ADAMTS2: variants seen among roughly 807,000 people sequenced by gnomAD.
The protein encoded by ADAMTS2 is ADAM metallopeptidase with thrombospondin type 1 motif 2, also known as A disintegrin and metalloproteinase with thrombospondin motifs 2.
A neutral mutation model predicts 123.0 loss-of-function variants in ADAMTS2; 50 were observed. The ratio of observed to expected loss-of-function variants is 0.41; its 90% CI spans 0.32 to 0.51. The LOEUF (loss-of-function observed/expected upper bound fraction) is 0.51. Ranked by LOEUF, ADAMTS2 falls within the 20% of genes least tolerant of loss-of-function variation. ADAMTS2 has a pLI of 0.35. For synonymous variants in ADAMTS2, 678 were observed against 695.4 expected, an observed-to-expected ratio of 0.98 and a Z score of 0.39; for missense variants, 1,494 against 1,705.2, an observed-to-expected ratio of 0.88 and a Z score of 2.18.
chr5:179,264,516 C>T (rs1301279159), intron 3 of ADAMTS2, among the ~76,000 whole-genome samples: 2 of 152,238 alleles, frequency 1.3e-5, no homozygotes, highest in Non-Finnish European at 2.9e-5. Context: ...CGCCAGATGC[C>T]CCCGTGAGCA....
Position 179,181,533 on chromosome 5 carries a change from G to A in ADAMTS2, c.892-378C>T, listed in dbSNP as rs893800337. On this transcript the variant is annotated intron_variant, in intron 4 of 21. Transcript: ENST00000251582. This position sits in a 1 kb window ranked among gnomAD's most constrained non-coding sequence, Gnocchi z 4.1. Reference sequence around the variant, plus strand: ...GTGATGGACCCCCGCGGCACAGGCAGGGCTGGGACCGGCCCTGGCAGAAGT... The same window carrying A: ...GTGATGGACCCCCGCGGCACAGGCAAGGCTGGGACCGGCCCTGGCAGAAGT... Among the ~76,000 whole-genome samples, 1 of 152,134 alleles carries A rather than the reference G, an allele frequency of 6.6e-6. No individual in the cohort carries two copies. Among genetic ancestry groups the A allele is most frequent in the Non-Finnish European group, 1.5e-5 (1 of 68,012 alleles).
At chr5:179,331,303 A>G (rs1351248914) in intron 2 of ADAMTS2, among the ~76,000 whole-genome samples, 5 of 134,796 alleles carry the variant, frequency 3.7e-5, no homozygotes, top group Non-Finnish European at 7.9e-5. Context: ...AAAGGGAAAA[A>G]GGGGAGATGA....
intron 2 of ADAMTS2, among the ~76,000 whole-genome samples, chr5:179,333,603 T>G (rs1309155412): frequency 6.8e-6 from 1 of 147,462 alleles, no homozygotes; most frequent in African/African-American, 2.5e-5. Flanking sequence ...TCTGTTTTTT[T>G]TTTTTTTTTT....
At chr5:179,245,549 G>T (rs578091332) in intron 3 of ADAMTS2, among the ~76,000 whole-genome samples, 1 of 149,394 alleles carries the variant, frequency 6.7e-6, no homozygotes, top group Admixed American at 6.6e-5. Flanking sequence ...GGCGGATCAC[G>T]AGGTCAGGAG....
chr5:179,156,766 T>C (rs1464951864), intron 6 of ADAMTS2, among the ~76,000 whole-genome samples: 2 of 152,240 alleles, frequency 1.3e-5, no homozygotes, highest in Non-Finnish European at 2.9e-5. Context: ...ATGTATTTTC[T>C]CAAACATTCT....
chr5:179,179,259 T>G (rs1365323812), intron 5 of ADAMTS2, among the ~76,000 whole-genome samples: 1 of 151,610 alleles, frequency 6.6e-6, no homozygotes, highest in Non-Finnish European at 1.5e-5. Flanking sequence ...TAGTAGGTTT[T>G]TTTTTTTTTT....
intron 2 of ADAMTS2, among the ~76,000 whole-genome samples, chr5:179,313,222 ACCGAGACAGAGGAGGGCC>A (rs1561728199): frequency 1.3e-4 from 18 of 141,024 alleles, no homozygotes; most frequent in Admixed American, 5.0e-4. Context: ...ACACACACAC[ACCGAGACAGAGGAGGGCC>A]TGGCCAGAGC....
Position 179,112,409 on chromosome 5 carries a change from T to G in ADAMTS2, c.*1458A>C, listed in dbSNP as rs982157590. On this transcript the variant is annotated 3_prime_UTR_variant, in exon 22 of 22. Transcript: ENST00000251582. ...AGTGAGAGGTAAAAATGAGCCACTC[T>G]TCTCCCATCCGCCCCTACTCCCCCT... The G allele has an allele frequency of 6.6e-6, 1 of 152,122 alleles. No homozygotes were observed. The highest frequency in any genetic ancestry group is 2.4e-5 in the African/African-American group (1 of 41,408). The allele number at this position is 152,122 out of a possible 1,614,324, so 9.4% of individuals were successfully genotyped here.
intron 3 of ADAMTS2, among the ~76,000 whole-genome samples, chr5:179,258,509 A>G (rs1042859902): frequency 1.3e-5 from 2 of 152,122 alleles, no homozygotes; most frequent in African/African-American, 4.8e-5. Context: ...GAATTGTCAA[A>G]GGCAGAGCAT....
chr5:179,258,257 A>AC (rs1157163520), intron 3 of ADAMTS2, among the ~76,000 whole-genome samples: 7 of 148,322 alleles, frequency 4.7e-5, no homozygotes, highest in Admixed American at 2.0e-4. Flanking sequence ...TCCCAGCCTG[A>AC]CCCCCCCAGA....
intron 3 of ADAMTS2, among the ~76,000 whole-genome samples, chr5:179,210,531 C>T (rs1168125340): frequency 2.0e-5 from 3 of 152,192 alleles, no homozygotes; most frequent in Non-Finnish European, 4.4e-5. Flanking sequence ...CTAGAGCATC[C>T]CTCCACCCAG....
chr5:179,146,865 GAT>G (rs1763258495), intron 10 of ADAMTS2, among the ~76,000 whole-genome samples: 4 of 151,932 alleles, frequency 2.6e-5, no homozygotes, highest in Admixed American at 2.6e-4. Context: ...AGGTATATTT[GAT>G]ACATATATCC....
intron 10 of ADAMTS2, among the ~76,000 whole-genome samples, chr5:179,144,151 A>T (rs1398804840): frequency 7.9e-5 from 12 of 152,226 alleles, no homozygotes; most frequent in Non-Finnish European, 1.6e-4. Context: ...AAATGATTTA[A>T]AAATGAAATT....
intron 4 of ADAMTS2, among the ~76,000 whole-genome samples, chr5:179,205,634 C>G (rs566548585): frequency 6.6e-6 from 1 of 152,198 alleles, no homozygotes; most frequent in African/African-American, 2.4e-5. Context: ...AGATTTTATA[C>G]CTGCCAGTCT....
intron 2 of ADAMTS2, among the ~76,000 whole-genome samples, chr5:179,336,251 C>T (rs1757608885): frequency 6.6e-6 from 1 of 152,204 alleles, no homozygotes; most frequent in Non-Finnish European, 1.5e-5. Flanking sequence ...CTCAAAATGT[C>T]TTTGAAGAGT....
In ADAMTS2 at chr5:179,181,072, C is replaced by A; in HGVS notation, c.975G>T (p.Lys325Asn). Reference protein sequence around the residue: ...LVRIILLSYGKSMSLIEIGNP... With the variant: ...LVRIILLSYGNSMSLIEIGNP... The stretch of plus-strand genomic sequence containing the variant: ...GCCCGGCTGGCCACAGTGCACTCAC[C>A]TTTCCATAGCTCAGGAGGATGATCC... The change falls in exon 5 of 22, where the codon AAG (lysine) becomes AAT (asparagine). Residue 325 changes from lysine to asparagine, a missense_variant and splice_region_variant. Physicochemically the swap from Lys to Asn is moderately conservative, Grantham distance 94. Around this residue, in one of 6 missense-constraint regions of ADAMTS2, gnomAD observed 70 missense variants for 85.3 expected, o/e 0.82. Coordinates refer to ENST00000251582, the MANE Select transcript of ADAMTS2 (RefSeq NM_014244.5). This position sits in a 1 kb window ranked among gnomAD's most constrained non-coding sequence, Gnocchi z 4.1. 1.2e-6 allele frequency: 2 copies of A among 1,613,666 alleles called. No homozygotes were observed. The highest frequency in any genetic ancestry group is 1.7e-6 in the Non-Finnish European group (2 of 1,179,702).
At chr5:179,140,799 CTTTTTT>C (rs770094463) in intron 10 of ADAMTS2, among the ~76,000 whole-genome samples, 10 of 90,460 alleles carry the variant, frequency 1.1e-4, no homozygotes, top group African/African-American at 4.0e-4. Flanking sequence ...ACTGCATGCT[CTTTTTT>C]TTTTTTTTTT....
At chr5:179,144,617 TAA>T (rs1763224087) in intron 10 of ADAMTS2, among the ~76,000 whole-genome samples, 1 of 152,244 alleles carries the variant, frequency 6.6e-6, no homozygotes, top group African/African-American at 2.4e-5. Context: ...TTACATTTGA[TAA>T]GTTAAACTTT....
At chr5:179,263,597 G>A (rs943537073) in intron 3 of ADAMTS2, among the ~76,000 whole-genome samples, 3 of 152,218 alleles carry the variant, frequency 2.0e-5, no homozygotes, top group South Asian at 4.1e-4. Flanking sequence ...GCTCCTGGCC[G>A]GGTTCTCTAC....
Sources: allele counts gnomAD v4.1 joint callset (sites outside exome capture counted in the v4.1 genomes callset), GRCh38; gene constraint gnomAD v4.1.1; regional missense constraint gnomAD v4.1.1; non-coding constraint Gnocchi (gnomAD v3.1); transcripts MANE v1.5; gene names NCBI Gene and HGNC (gene_info 2026-07-23, HGNC 2026-07-21).